TMEM260: variants seen among roughly 807,000 people sequenced by gnomAD.
The protein encoded by TMEM260 is transmembrane protein 260.
TMEM260 carries 82 observed loss-of-function variants against 88.9 expected under a neutral mutation model. That is an observed-to-expected ratio of 0.92 (90% CI 0.77 to 1.11). The LOEUF (loss-of-function observed/expected upper bound fraction) is 1.11. Among genes scored for constraint, TMEM260 ranks in the 50% least tolerant of loss-of-function variants. The probability of loss-of-function intolerance (pLI) is 0.00; values close to 1 mark genes in which losing one functional copy is unlikely to be tolerated. For synonymous variants in TMEM260, 314 were observed against 309.3 expected, an observed-to-expected ratio of 1.02 and a Z score of -0.16; for missense variants, 902 against 853.4, an observed-to-expected ratio of 1.06 and a Z score of -0.71.
chr14:56,661,111 C>T, the TMEM260 span, among the ~76,000 whole-genome samples: 7 of 152,348 alleles, frequency 4.6e-5, no homozygotes, highest in African/African-American at 1.7e-4. Flanking sequence ...CCCACTACTG[C>T]CCAGGTGTCA....
At chr14:56,605,518 T>C in intron 4 of TMEM260, 52 bp from the exon 5 acceptor site, 1 of 1,039,700 alleles carries the variant, frequency 9.6e-7, no homozygotes, top group Non-Finnish European at 1.4e-6. Flanking sequence ...ATTATGTTCT[T>C]AGAGTTTTAG....
chr14:56,604,525 G>A (rs997908843), intron 4 of TMEM260, among the ~76,000 whole-genome samples: 26 of 152,270 alleles, frequency 1.7e-4, no homozygotes, highest in African/African-American at 6.0e-4. Context: ...TAAGAACTTA[G>A]AGTCTATACA....
At chr14:56,625,649 G>C (rs1436789026) in intron 12 of TMEM260, 119 bp downstream of exon 12, 21 of 690,922 alleles carry the variant, frequency 3.0e-5, no homozygotes, top group Non-Finnish European at 4.7e-6. Context: ...CCTGTCACTG[G>C]TGAGATTATC....
At chr14:56,607,524 G>T (rs1459482852) in intron 5 of TMEM260, among the ~76,000 whole-genome samples, 1 of 152,150 alleles carries the variant, frequency 6.6e-6, no homozygotes, top group Non-Finnish European at 1.5e-5. Flanking sequence ...ACTGGGAGAT[G>T]ACTGGAGACA....
chr14:56,617,377 A>G, intron 9 of TMEM260, 80 bp downstream of exon 9: 1 of 825,926 alleles, frequency 1.2e-6, no homozygotes, highest in East Asian at 2.8e-5. Flanking sequence ...ATCTTGTAGA[A>G]GGGCAAATTA....
chr14:56,641,754 C>A (rs1594897733), intron 15 of TMEM260, among the ~76,000 whole-genome samples: 1 of 152,194 alleles, frequency 6.6e-6, no homozygotes, highest in African/African-American at 2.4e-5. Flanking sequence ...CATCAGTGTG[C>A]TGTATTCAGG....
At chr14:56,586,937 A>G (rs1246388691) in intron 3 of TMEM260, among the ~76,000 whole-genome samples, 1 of 151,868 alleles carries the variant, frequency 6.6e-6, no homozygotes, top group African/African-American at 2.4e-5. Flanking sequence ...CCAAATTGTT[A>G]TATTATTAAA....
At chr14:56,626,425 A>G (rs1888248918) in intron 12 of TMEM260, among the ~76,000 whole-genome samples, 1 of 152,184 alleles carries the variant, frequency 6.6e-6, no homozygotes, top group African/African-American at 2.4e-5. Flanking sequence ...GCATTTACTG[A>G]ATGTCTACTA....
chr14:56,647,186 G>GAAA, intron 15 of TMEM260, 57 bp from the exon 16 acceptor site: 1 of 1,160,558 alleles, frequency 8.6e-7, no homozygotes, highest in Non-Finnish European at 1.2e-6. Flanking sequence ...TTTTGTTTTT[G>GAAA]AAAAAAAAAA....
intron 15 of TMEM260, among the ~76,000 whole-genome samples, chr14:56,645,394 C>CA (rs1388517343): frequency 6.7e-6 from 1 of 149,512 alleles, no homozygotes; most frequent in Non-Finnish European, 1.5e-5. Context: ...ATCGCAAGGA[C>CA]AAAAAACCAA....
Position 56,617,194 on chromosome 14 carries a change from A to G in TMEM260, c.953A>G (p.Asn318Ser), listed in dbSNP as rs1594853932. ...ATTATTTTTTGTAGGGACAGACAGA[A>G]TCCATCATTAGTATGGCTTTTTACT... Reference protein sequence around the residue: ...NICLATKDRQNPSLVWLFTGM... With the variant: ...NICLATKDRQSPSLVWLFTGM... The change falls in exon 9 of 16, where the codon AAT becomes AGT. Residue 318 changes from asparagine (N) to serine (S), a missense_variant. By Grantham distance (46) the Asn-to-Ser change is conservative (BLOSUM62 1). Transcript: ENST00000261556. 2 of 1,589,950 alleles carry G rather than the reference A, an allele frequency of 1.3e-6. No homozygotes were observed. The highest frequency in any genetic ancestry group is 1.7e-6 in the Non-Finnish European group (2 of 1,169,270).
chr14:56,608,669 A>G (rs1466747237), intron 5 of TMEM260, among the ~76,000 whole-genome samples: 1 of 149,946 alleles, frequency 6.7e-6, no homozygotes, highest in African/African-American at 2.4e-5. Context: ...AATCATAGTA[A>G]TATATATAGT....
chr14:56,645,859 A>C (rs1045772822), intron 15 of TMEM260, among the ~76,000 whole-genome samples: 1 of 152,234 alleles, frequency 6.6e-6, no homozygotes, highest in African/African-American at 2.4e-5. Context: ...AGGGTAAAGC[A>C]ACTTTGAATA....
At chr14:56,615,903 A>G (rs780602724) in intron 7 of TMEM260, 41 bp from the exon 8 acceptor site, 4 of 1,380,148 alleles carry the variant, frequency 2.9e-6, no homozygotes, top group Middle Eastern at 1.8e-4. Context: ...AATCAATCAA[A>G]TTTGTTTCCT....
chr14:56,634,836 C>G (rs1376994119), intron 13 of TMEM260, 63 bp from the exon 14 acceptor site: 20 of 1,458,778 alleles, frequency 1.4e-5, no homozygotes, highest in Non-Finnish European at 1.9e-5. Context: ...GAGCAAAATT[C>G]TGTCTCAAAA....
intron 7 of TMEM260, among the ~76,000 whole-genome samples, chr14:56,614,219 T>TA (rs397852138): frequency 0.31 from 34,508 of 111,346 alleles, 6,376 homozygotes; most frequent in African/African-American, 0.55. Flanking sequence ...TACAAAACAT[T>TA]AAAAAAAAAA....
At chr14:56,646,355 ATTGT>A (rs1157852382) in intron 15 of TMEM260, among the ~76,000 whole-genome samples, 1 of 152,212 alleles carries the variant, frequency 6.6e-6, no homozygotes, top group Non-Finnish European at 1.5e-5. Context: ...AGAAAGCACT[ATTGT>A]TTTTCTGTGC....
intron 12 of TMEM260, among the ~76,000 whole-genome samples, chr14:56,632,020 C>G (rs1226022891): frequency 1.3e-5 from 2 of 152,172 alleles, no homozygotes; most frequent in Non-Finnish European, 2.9e-5. Context: ...GTAACACTAC[C>G]AGGTACCCAG....
At chr14:56,639,856 G>T (rs1463916771) in intron 15 of TMEM260, among the ~76,000 whole-genome samples, 1 of 152,198 alleles carries the variant, frequency 6.6e-6, no homozygotes, top group African/African-American at 2.4e-5. Flanking sequence ...TGGCTTGGAG[G>T]GTCCTATGCC....
Sources: allele counts gnomAD v4.1 joint callset (sites outside exome capture counted in the v4.1 genomes callset), GRCh38; gene constraint gnomAD v4.1.1; transcripts MANE v1.5; gene names NCBI Gene and HGNC (gene_info 2026-07-23, HGNC 2026-07-21).